The following PLEKHH2 variants were observed in gnomAD, a reference collection of about 807,000 sequenced individuals.
PLEKHH2 encodes the protein pleckstrin homology domain-containing family H member 2.
Under a neutral mutation model 187.9 loss-of-function variants are expected in PLEKHH2, and 129 were observed. The observed-to-expected ratio is 0.69, with a 90% CI of 0.59 to 0.79. PLEKHH2 has a LOEUF of 0.79. Ranked by LOEUF, PLEKHH2 falls within the 30% of genes least tolerant of loss-of-function variation. PLEKHH2 has a pLI of 0.00. For missense variants in PLEKHH2, 2,076 were observed against 1,751.2 expected (o/e 1.19, Z -3.31); for synonymous variants, 686 against 605.6 (o/e 1.13, Z -1.95).
At chr2:43,639,153 T>C (rs1164943003) in intron 1 of PLEKHH2, among the ~76,000 whole-genome samples, 1 of 152,234 alleles carries the variant, frequency 6.6e-6, no homozygotes, top group Non-Finnish European at 1.5e-5. Context: ...TTGGCAGGGA[T>C]AACCACAAAT....
chr2:43,753,612 T>C lies in PLEKHH2; in HGVS notation c.3654-7T>C, dbSNP rs751367044. The stretch of plus-strand genomic sequence containing the variant: ...TTTAATGAGAAATTTACTCTTTTTT[T>C]TTACAGACTATATTTCTCAGTGCAA... On this transcript the variant is annotated splice_polypyrimidine_tract_variant and splice_region_variant and intron_variant, in intron 24 of 29. Transcript: ENST00000282406. 4 of 1,445,240 alleles carry C rather than the reference T, an allele frequency of 2.8e-6. No individual in the cohort carries two copies. In the Admixed American group the frequency reaches 1.1e-4, roughly 38 times the overall value. The allele number at this position is 1,445,240 out of a possible 1,614,324, so 89.5% of individuals were successfully genotyped here. A position where few individuals can be genotyped will look rare whatever the true frequency, so the allele number is the denominator to read the frequency against.
chr2:43,753,310 A>T (rs886817802), intron 24 of PLEKHH2, among the ~76,000 whole-genome samples: 3 of 152,150 alleles, frequency 2.0e-5, no homozygotes, highest in Admixed American at 2.0e-4. Flanking sequence ...AGCGCCATAT[A>T]GTTGGGTTTT....
chr2:43,687,503 A>G (rs1360089365), intron 3 of PLEKHH2, among the ~76,000 whole-genome samples: 1 of 152,196 alleles, frequency 6.6e-6, no homozygotes, highest in Admixed American at 6.5e-5. Context: ...TCCTTTGACT[A>G]TATACCCAGT....
At chr2:43,726,674 C>T (rs542425126) in intron 17 of PLEKHH2, among the ~76,000 whole-genome samples, 6 of 151,972 alleles carry the variant, frequency 3.9e-5, no homozygotes, top group East Asian at 3.9e-4. Flanking sequence ...GAAATTAGTG[C>T]GTGGAAGTGG....
intron 3 of PLEKHH2, among the ~76,000 whole-genome samples, chr2:43,688,341 T>C (rs1477075823): frequency 6.6e-6 from 1 of 152,222 alleles, no homozygotes; most frequent in Non-Finnish European, 1.5e-5. Context: ...GAAAGTAGTC[T>C]GGGATTTAAA....
chr2:43,758,323 G>A (rs1672295306), intron 26 of PLEKHH2, among the ~76,000 whole-genome samples: 1 of 152,136 alleles, frequency 6.6e-6, no homozygotes, highest in Admixed American at 6.5e-5. Flanking sequence ...GGTGATCTCG[G>A]CTCGCTGCAA....
At chr2:43,657,347 A>G (rs1558429931) in intron 2 of PLEKHH2, among the ~76,000 whole-genome samples, 1 of 151,958 alleles carries the variant, frequency 6.6e-6, no homozygotes, top group Non-Finnish European at 1.5e-5. Context: ...CCTTGATTTC[A>G]CTCACATATC....
chr2:43,757,734 A>G (rs1354274253), intron 26 of PLEKHH2, among the ~76,000 whole-genome samples: 2 of 151,480 alleles, frequency 1.3e-5, no homozygotes, highest in East Asian at 1.9e-4. Context: ...TTTATTTAAG[A>G]TAAGCCCAGA....
chr2:43,675,895 G>A (rs80263019), intron 2 of PLEKHH2: 17,773 of 1,614,080 alleles, frequency 0.011, 177 homozygotes, highest in South Asian at 0.028. Context: ...AAACGTAGTG[G>A]GAAGTGCAAG....
intron 7 of PLEKHH2, 78 bp from the exon 8 acceptor site, chr2:43,699,569 T>C: frequency 6.7e-7 from 1 of 1,497,162 alleles, no homozygotes. Flanking sequence ...ATTTCTACAG[T>C]GTAGCTACAT....
At chr2:43,638,742 C>A in intron 1 of PLEKHH2, among the ~76,000 whole-genome samples, 1 of 151,952 alleles carries the variant, frequency 6.6e-6, no homozygotes, top group East Asian at 1.9e-4. Context: ...AAAAGGATGG[C>A]GGATATTGTT....
chr2:43,731,635 G>C (rs1310721025), intron 19 of PLEKHH2, 33 bp downstream of exon 19: 1 of 1,334,688 alleles, frequency 7.5e-7, no homozygotes, highest in Non-Finnish European at 1.0e-6. Flanking sequence ...AATGATTTAA[G>C]GTAAAATACT....
chr2:43,638,159 G>A (rs1453244442), intron 1 of PLEKHH2, among the ~76,000 whole-genome samples: 1 of 152,116 alleles, frequency 6.6e-6, no homozygotes, highest in East Asian at 1.9e-4. Context: ...CGAAGGGCAG[G>A]CGTTGCCCAA....
intron 2 of PLEKHH2, chr2:43,676,248 CAT>C: frequency 6.2e-7 from 1 of 1,613,856 alleles, no homozygotes; most frequent in Non-Finnish European, 8.5e-7. Context: ...TTTGGCCAAA[CAT>C]AGTTATCAAA....
chr2:43,641,624 T>A (rs992759324), intron 1 of PLEKHH2, among the ~76,000 whole-genome samples: 1 of 152,220 alleles, frequency 6.6e-6, no homozygotes, highest in Non-Finnish European at 1.5e-5. Context: ...TTTAGAGCTT[T>A]GGCTGGTACC....
At chr2:43,655,634 T>G (rs538914916) in intron 2 of PLEKHH2, among the ~76,000 whole-genome samples, 14 of 152,320 alleles carry the variant, frequency 9.2e-5, no homozygotes, top group African/African-American at 2.9e-4. Context: ...CACCTTGTCC[T>G]AGAGAAAGAA....
At chr2:43,692,685 A>G in intron 4 of PLEKHH2, 22 bp downstream of exon 4, 1 of 1,606,948 alleles carries the variant, frequency 6.2e-7, no homozygotes, top group South Asian at 1.1e-5. Flanking sequence ...TTTGATAAAG[A>G]GTTCTAAGTG....
chr2:43,757,776 A>AT (rs1163576689), intron 26 of PLEKHH2, among the ~76,000 whole-genome samples: 1 of 148,212 alleles, frequency 6.7e-6, no homozygotes, highest in Non-Finnish European at 1.5e-5. Flanking sequence ...ACTTTCTTTA[A>AT]TTAAAAAAAA....
rs936825356 is a variant in PLEKHH2 at position 43,712,361 on chromosome 2, C to T, written c.2438C>T (p.Thr813Ile). The T allele has an allele frequency of 4.3e-6, 7 of 1,614,004 alleles. No homozygotes were observed. Among genetic ancestry groups the T allele is most frequent in the Admixed American group, 3.3e-5 (2 of 59,992 alleles). Residue 813 changes from threonine (T) to isoleucine (I), a missense_variant, in exon 15 of 30, where the codon ACC becomes ATC. By Grantham distance (89) the Thr-to-Ile change is moderately conservative. Coordinates refer to ENST00000282406, the MANE Select transcript of PLEKHH2 (RefSeq NM_172069.4). The stretch of plus-strand genomic sequence containing the variant: ...TCCCTGCAGCCTGAGGGCAAACCCA[C>T]CATGAAGGGATTGCTCACTAAGGTA... ...PLSLQPEGKP[T>I]MKGLLTKVKH...
Sources: gnomAD v4.1 joint callset for allele counts (sites outside exome capture counted in the v4.1 genomes callset) on GRCh38, gnomAD v4.1.1 for gene constraint, MANE v1.5 for transcripts, NCBI Gene and HGNC (gene_info 2026-07-23, HGNC 2026-07-21) for gene names.